DTNA: variants seen among roughly 807,000 people sequenced by gnomAD.
DTNA encodes dystrobrevin alpha, also known as dystrophin-related protein 3.
Under a neutral mutation model 100.7 loss-of-function variants are expected in DTNA, and 43 were observed. The ratio of observed to expected loss-of-function variants is 0.43; its 90% CI spans 0.33 to 0.55. DTNA has a LOEUF of 0.55. Ranked by LOEUF, DTNA falls within the 20% of genes least tolerant of loss-of-function variation. The probability of loss-of-function intolerance (pLI) is 0.04; values close to 1 mark genes in which losing one functional copy is unlikely to be tolerated. For missense variants in DTNA, 798 were observed against 953.9 expected (o/e 0.84, Z 2.15); for synonymous variants, 349 against 347.9 (o/e 1.00, Z -0.04).
chr18:34,493,738 G>A (rs1333973612), intron 1 of DTNA, among the ~76,000 whole-genome samples: 2 of 148,912 alleles, frequency 1.3e-5, no homozygotes, highest in Admixed American at 1.3e-4. Context: ...CGCGGACACA[G>A]GCGGCTCGGC....
At chr18:34,677,020 G>C (rs1016491747) in intron 1 of DTNA, among the ~76,000 whole-genome samples, 2 of 152,130 alleles carry the variant, frequency 1.3e-5, no homozygotes, top group Non-Finnish European at 2.9e-5. Flanking sequence ...AGAATTGAGG[G>C]TATTCAGCTC....
intron 1 of DTNA, among the ~76,000 whole-genome samples, chr18:34,712,781 A>G (rs1486937086): frequency 6.6e-6 from 1 of 152,150 alleles, no homozygotes; most frequent in Admixed American, 6.6e-5. Context: ...TAATCTCTAG[A>G]GCTGCCTAGA....
chr18:34,823,812 A>AT (rs2095787980), intron 9 of DTNA, among the ~76,000 whole-genome samples: 1 of 152,216 alleles, frequency 6.6e-6, no homozygotes. Context: ...AGTTACACCC[A>AT]TAGATAAGCT....
rs552054710 is a variant in DTNA, at chr18:34,624,971, C to T, written c.-1-131005C>T. Among the ~76,000 whole-genome samples the T allele has an allele frequency of 7.2e-5, 11 of 152,088 alleles. No homozygotes were observed. The South Asian group carries it at 1.5e-3, about 20-fold the overall frequency. ...GCAACCTCTGCCTCCTGGGTTCAAGCGATTCTCCTGCCTCAGCCTCCTGAG... is the reference window on the plus strand; with the variant it reads ...GCAACCTCTGCCTCCTGGGTTCAAGTGATTCTCCTGCCTCAGCCTCCTGAG... On this transcript the variant is annotated intron_variant, in intron 1 of 19. Transcript: ENST00000283365.
At chr18:34,726,220 C>G (rs1213517726) in intron 1 of DTNA, among the ~76,000 whole-genome samples, 1 of 152,074 alleles carries the variant, frequency 6.6e-6, no homozygotes, top group African/African-American at 2.4e-5. Context: ...ACATTGTGCA[C>G]ATATACCCCA....
At chr18:34,574,566 T>A (rs147608921) in intron 1 of DTNA, 9 of 152,268 alleles carry the variant, frequency 5.9e-5, no homozygotes, top group Admixed American at 3.9e-4. Context: ...CTTCACACAC[T>A]CACATGTTTT....
intron 1 of DTNA, among the ~76,000 whole-genome samples, chr18:34,515,474 C>T (rs2041509456): frequency 6.6e-6 from 1 of 152,058 alleles, no homozygotes; most frequent in African/African-American, 2.4e-5. Flanking sequence ...CACAACAAAA[C>T]CATTCTTAAA....
intron 1 of DTNA, among the ~76,000 whole-genome samples, chr18:34,533,380 A>G (rs2043348785): frequency 6.6e-6 from 1 of 151,878 alleles, no homozygotes; most frequent in African/African-American, 2.4e-5. Context: ...TCAAAAAAAA[A>G]AAAAAAAAGT....
chr18:34,764,356 C>T (rs1432853884), intron 2 of DTNA, among the ~76,000 whole-genome samples: 1 of 152,112 alleles, frequency 6.6e-6, no homozygotes. Context: ...AATTTTACTT[C>T]CTTTAAAGTT....
Position 34,815,927 on chromosome 18 carries a change from G to T in DTNA, c.622G>T (p.Gly208Cys). The T allele has an allele frequency of 6.2e-7, 1 of 1,613,634 alleles. No homozygotes were observed. The highest frequency in any genetic ancestry group is 1.3e-5 in the African/African-American group (1 of 74,988). The change falls in exon 7 of 23, where the codon GGT (glycine) becomes TGT (cysteine). Residue 208 changes from glycine (G) to cysteine (C), a missense_variant. This residue lies in a region of DTNA where 81 missense variants were observed against 153.5 expected (regional missense o/e 0.53). Transcript: ENST00000444659. The part of the protein sequence containing the change: ...FSQQKKVTLN[G>C]FLDTLMSDPP... ...TATGCAGAAAAAAGTCACGTTAAAT[G>T]GTTTCTTGGACACGCTTATGTCAGA...
intron 17 of DTNA, chr18:34,867,393 A>C: frequency 8.1e-7 from 1 of 1,228,750 alleles, no homozygotes; most frequent in Non-Finnish European, 1.0e-6. Context: ...ATTTTAACAG[A>C]AGACAGTCCC....
intron 1 of DTNA, among the ~76,000 whole-genome samples, chr18:34,592,502 A>ACACACACACACACACG (rs1371552393): frequency 8.4e-4 from 126 of 150,606 alleles, no homozygotes; most frequent in African/African-American, 1.6e-3. Flanking sequence ...ACACACACAC[A>ACACACACACACACACG]CACATTTTGT....
chr18:34,825,244 G>T, intron 9 of DTNA: 1 of 1,613,156 alleles, frequency 6.2e-7, no homozygotes, highest in Non-Finnish European at 8.5e-7. Context: ...TCTCTATTCT[G>T]TTCAATTCTT....
chr18:34,852,480 C>T (rs2096493637), intron 15 of DTNA, among the ~76,000 whole-genome samples: 1 of 152,204 alleles, frequency 6.6e-6, no homozygotes, highest in Non-Finnish European at 1.5e-5. Context: ...CAAAAATTGT[C>T]CAGCTCATCT....
chr18:34,793,505 TTTC>T (rs1297700465), intron 3 of DTNA, among the ~76,000 whole-genome samples: 1 of 152,232 alleles, frequency 6.6e-6, no homozygotes, highest in Admixed American at 6.5e-5. Flanking sequence ...TTTCTTTTTT[TTTC>T]TTGTTTCCAA....
chr18:34,554,879 G>T (rs938184473), intron 1 of DTNA, among the ~76,000 whole-genome samples: 1 of 150,746 alleles, frequency 6.6e-6, no homozygotes, highest in East Asian at 1.9e-4. Flanking sequence ...TCAGAATGAT[G>T]CTGGCCTCAT....
chr18:34,698,734 G>A (rs1481829024), intron 1 of DTNA, among the ~76,000 whole-genome samples: 2 of 152,138 alleles, frequency 1.3e-5, no homozygotes, highest in South Asian at 4.1e-4. Flanking sequence ...CATCTAGCAT[G>A]GGAGAAAGAT....
chr18:34,787,639 T>G (rs2094554391), intron 3 of DTNA, among the ~76,000 whole-genome samples: 1 of 152,212 alleles, frequency 6.6e-6, no homozygotes, highest in Admixed American at 6.5e-5. Flanking sequence ...AAGTCATCTC[T>G]GTGAATGAAG....
At chr18:34,715,475 A>C (rs907463080) in intron 1 of DTNA, among the ~76,000 whole-genome samples, 1 of 150,836 alleles carries the variant, frequency 6.6e-6, no homozygotes. Context: ...ATTGTTTTTA[A>C]TTTTTTAATT....
Sources: allele counts gnomAD v4.1 joint callset (sites outside exome capture counted in the v4.1 genomes callset), GRCh38; gene constraint gnomAD v4.1.1; regional missense constraint gnomAD v4.1.1; transcripts MANE v1.5; gene names NCBI Gene and HGNC (gene_info 2026-07-23, HGNC 2026-07-21).